The following AQR variants were observed in gnomAD, a reference collection of about 807,000 sequenced individuals.
AQR encodes the protein RNA helicase aquarius.
Under a neutral mutation model 180.5 loss-of-function variants are expected in AQR, and 61 were observed. The observed-to-expected ratio is 0.34, with a 90% CI of 0.28 to 0.42. The LOEUF is 0.42. Among genes scored for constraint, AQR ranks in the 10% least tolerant of loss-of-function variants. The probability of loss-of-function intolerance (pLI) is 1.00; values close to 1 mark genes in which losing one functional copy is unlikely to be tolerated. For missense variants in AQR, 1,281 were observed against 1,798.3 expected, an observed-to-expected ratio of 0.71 and a Z score of 5.20; for synonymous variants, 551 against 588.8, an observed-to-expected ratio of 0.94 and a Z score of 0.93.
chr15:34,937,516 A>AATATAAATATGGTATACCT (rs921519510), intron 9 of AQR, among the ~76,000 whole-genome samples: 3 of 152,184 alleles, frequency 2.0e-5, no homozygotes, highest in African/African-American at 4.8e-5. Context: ...CTGATGCAAA[A>AATATAAATATGGTATACCT]ATATAAATAT....
At chr15:34,967,175 C>T (rs8039183) in intron 1 of AQR, among the ~76,000 whole-genome samples, 9,426 of 150,424 alleles carry the variant, frequency 0.063, 331 homozygotes, top group Middle Eastern at 0.097. Context: ...CTGCGAGCCA[C>T]AAGCCACCGC....
intron 3 of AQR, among the ~76,000 whole-genome samples, chr15:34,955,082 C>T (rs1294269513): frequency 1.3e-5 from 2 of 152,074 alleles, no homozygotes; most frequent in Non-Finnish European, 2.9e-5. Context: ...GAGATTGCGC[C>T]ACTGCACTCC....
chr15:34,949,233 C>T (rs1227360452), intron 4 of AQR, among the ~76,000 whole-genome samples: 1 of 151,198 alleles, frequency 6.6e-6, no homozygotes, highest in South Asian at 2.1e-4. Context: ...ACCTCAGGAT[C>T]GATCCACCCA....
At chr15:34,941,604 T>C (rs1894023782) in intron 7 of AQR, among the ~76,000 whole-genome samples, 2 of 152,186 alleles carry the variant, frequency 1.3e-5, no homozygotes, top group Admixed American at 1.3e-4. Context: ...AATTTGGCTT[T>C]GGTACCTGCA....
At position 34,860,044 on chromosome 15, in the gene AQR, G is replaced by T. The variant is rs908344335; in HGVS notation, c.4141C>A (p.Gln1381Lys). The T allele has an allele frequency of 1.4e-5, 19 of 1,358,834 alleles. 1 individual carries two copies. In the East Asian group the frequency reaches 5.1e-4, roughly 36 times the overall value. The allele number at this position is 1,358,834 out of a possible 1,614,324, so 84.2% of individuals were successfully genotyped here. A position where few individuals can be genotyped will look rare whatever the true frequency, so the allele number is the denominator to read the frequency against. ...HLIQTTHHYH[Q>K]TLLQLPPAMV... ...AAAGTCGATTTTGAGAAACTCACCTGATGATAATGATGTGTAGTCTGTATC... is the reference window on the plus strand; with the variant it reads ...AAAGTCGATTTTGAGAAACTCACCTTATGATAATGATGTGTAGTCTGTATC... Residue 1381 changes from glutamine to lysine, a missense_variant and splice_region_variant, in exon 34 of 35, where the codon CAG (glutamine) becomes AAG (lysine). Coordinates refer to ENST00000156471, the MANE Select transcript of AQR (RefSeq NM_014691.3).
intron 12 of AQR, 73 bp downstream of exon 12, chr15:34,930,184 AC>A: frequency 1.2e-6 from 1 of 820,290 alleles, no homozygotes. Context: ...TTCAATCTGT[AC>A]CTATACAAAA....
intron 4 of AQR, among the ~76,000 whole-genome samples, chr15:34,950,372 G>A (rs1894208396): frequency 6.6e-6 from 1 of 151,856 alleles, no homozygotes; most frequent in Non-Finnish European, 1.5e-5. Flanking sequence ...ACAGGTGTAA[G>A]CCACCACTCC....
At chr15:34,916,882 CAAA>C (rs71119988) in intron 15 of AQR, among the ~76,000 whole-genome samples, 2,115 of 79,148 alleles carry the variant, frequency 0.027, 28 homozygotes, top group African/African-American at 0.099. Flanking sequence ...TTCAGCAGAA[CAAA>C]AAAAAAAAAA....
intron 30 of AQR, among the ~76,000 whole-genome samples, chr15:34,871,248 T>C (rs565909224): frequency 6.6e-6 from 1 of 152,312 alleles, no homozygotes; most frequent in South Asian, 2.1e-4. Flanking sequence ...AGCTCACATC[T>C]GTAATCCCAG....
chr15:34,880,039 T>C (rs1892947928), intron 27 of AQR, among the ~76,000 whole-genome samples: 1 of 152,180 alleles, frequency 6.6e-6, no homozygotes, highest in Non-Finnish European at 1.5e-5. Context: ...GAAAAGATTA[T>C]AGGGCTTCCT....
chr15:34,869,913 G>A (rs1007621898), intron 31 of AQR: 1 of 152,090 alleles, frequency 6.6e-6, no homozygotes, highest in Non-Finnish European at 1.5e-5. Context: ...ATGGTTTCTG[G>A]AGCATGTATC....
At chr15:34,907,746 GTAC>G (rs1294455774) in intron 17 of AQR, among the ~76,000 whole-genome samples, 1 of 152,196 alleles carries the variant, frequency 6.6e-6, no homozygotes, top group African/African-American at 2.4e-5. Context: ...TCTCTGAGTT[GTAC>G]TACCTGTGTG....
chr15:34,862,836 C>A (rs1892688721), intron 33 of AQR, 31 bp downstream of exon 33: 1 of 1,607,978 alleles, frequency 6.2e-7, no homozygotes, highest in Non-Finnish European at 8.5e-7. Flanking sequence ...CTGAGGAATG[C>A]TGTTTTATAA....
In AQR at chr15:34,884,507, G is replaced by A. The variant is rs759213466; in HGVS notation, c.3027+18C>T. ...AAAAACCACTAAAGGGAAGTTCAAAGAACTTGAGAATCCTTACCTCAAGCT... is the reference window on the plus strand; with the variant it reads ...AAAAACCACTAAAGGGAAGTTCAAAAAACTTGAGAATCCTTACCTCAAGCT... On this transcript the variant is annotated intron_variant, in intron 26 of 34. Transcript: ENST00000156471. 61 of 1,541,016 alleles carry A rather than the reference G, an allele frequency of 4.0e-5. No individual in the cohort carries two copies. The highest frequency in any genetic ancestry group is 5.3e-5 in the Non-Finnish European group (61 of 1,144,954).
chr15:34,896,817 C>A, intron 22 of AQR, 80 bp downstream of exon 22: 9 of 1,298,158 alleles, frequency 6.9e-6, no homozygotes, highest in Non-Finnish European at 9.9e-6. Flanking sequence ...CCACTGCACT[C>A]CGGCATGGGC....
intron 21 of AQR, among the ~76,000 whole-genome samples, 191 bp from the exon 22 acceptor site, chr15:34,897,157 C>T (rs902261588): frequency 2.6e-5 from 4 of 152,154 alleles, no homozygotes; most frequent in Admixed American, 2.0e-4. Flanking sequence ...AGTTATTTTT[C>T]GGGACTTAGC....
chr15:34,903,261 C>A (rs1486848116), intron 19 of AQR, among the ~76,000 whole-genome samples: 1 of 152,018 alleles, frequency 6.6e-6, no homozygotes, highest in Non-Finnish European at 1.5e-5. Context: ...GAGAGGACAC[C>A]AGAAGACAGA....
Position 34,910,894 on chromosome 15 carries a change from T to C in AQR, c.1485-581A>G, listed in dbSNP as rs570358908. Among the ~76,000 whole-genome samples, 5 of 152,318 alleles carry C rather than the reference T, an allele frequency of 3.3e-5. No individual in the cohort carries two copies. In the South Asian group the frequency reaches 8.3e-4, roughly 25 times the overall value. ...ACTTTACATTAGATCTCCAAACTTA[T>C]GTATCTTGTAACTGAAAGTTTAGAC... is the stretch of plus-strand genomic sequence containing the variant. On this transcript the variant is annotated intron_variant, in intron 16 of 34. Transcript: ENST00000156471.
At chr15:34,904,999 C>T (rs1893388620) in intron 18 of AQR, among the ~76,000 whole-genome samples, 1 of 148,706 alleles carries the variant, frequency 6.7e-6, no homozygotes, top group Admixed American at 6.9e-5. Context: ...CTAGTATAAC[C>T]AGCATGAAAA....
Sources: gnomAD v4.1 joint callset for allele counts (sites outside exome capture counted in the v4.1 genomes callset) on GRCh38, gnomAD v4.1.1 for gene constraint, MANE v1.5 for transcripts, NCBI Gene and HGNC (gene_info 2026-07-23, HGNC 2026-07-21) for gene names.